ICA1L: variants seen among roughly 807,000 people sequenced by gnomAD.
The protein encoded by ICA1L is islet cell autoantigen 1-like protein.
A neutral mutation model predicts 61.3 loss-of-function variants in ICA1L; 50 were observed. That is an observed-to-expected ratio of 0.82 (90% CI 0.65 to 1.03). ICA1L has a LOEUF of 1.03. Among genes scored for constraint, ICA1L ranks in the 50% least tolerant of loss-of-function variants. ICA1L has a pLI of 0.00. For missense variants in ICA1L, 508 were observed against 556.7 expected (o/e 0.91, Z 0.88); for synonymous variants, 161 against 191.3 (o/e 0.84, Z 1.31).
intron 1 of ICA1L, among the ~76,000 whole-genome samples, chr2:202,864,140 T>A (rs1364578709): frequency 6.6e-6 from 1 of 152,192 alleles, no homozygotes; most frequent in East Asian, 1.9e-4. Context: ...AACTTACTCT[T>A]TCATAGAGTA....
rs1426826837 is a variant in ICA1L at position 202,849,357 on chromosome 2, G to A, written c.-7-20341C>T. 6.6e-6 allele frequency among the ~76,000 whole-genome samples: 1 copy of A among 152,186 alleles called. No homozygotes were observed. Among genetic ancestry groups the A allele is most frequent in the African/African-American group, 2.4e-5 (1 of 41,456 alleles). On this transcript the variant is annotated intron_variant, in intron 1 of 12. Coordinates refer to ENST00000358299, the MANE Select transcript of ICA1L (RefSeq NM_001288622.3). This position sits in a 1 kb window ranked among gnomAD's most constrained non-coding sequence, Gnocchi z 4.5. Reference sequence around the variant, plus strand: ...TCGCTCAGTGGGTCCCACTCCCACAGAGCCCAGCAAGCTAAGAACCACTGG... The same window carrying A: ...TCGCTCAGTGGGTCCCACTCCCACAAAGCCCAGCAAGCTAAGAACCACTGG...
rs538751684 is a variant in ICA1L, at chr2:202,816,399, A to G, written c.685-390T>C. 8.5e-5 allele frequency among the ~76,000 whole-genome samples: 13 copies of G among 152,354 alleles called. No homozygotes were observed. The East Asian group carries it at 2.5e-3, about 29-fold the overall frequency. ...GTGTAATCTTTATGTTGATGGGAAT[A>G]TATAAAACTTTTTAATTGGAGAAAA... On this transcript the variant is annotated intron_variant, in intron 6 of 12. Coordinates refer to ENST00000358299, the MANE Select transcript of ICA1L (RefSeq NM_001288622.3).
At chr2:202,868,311 A>C (rs573836096) in intron 1 of ICA1L, among the ~76,000 whole-genome samples, 1 of 152,352 alleles carries the variant, frequency 6.6e-6, no homozygotes, top group African/African-American at 2.4e-5. Flanking sequence ...CTTAAATGAC[A>C]AAGACTGACA....
At chr2:202,829,912 A>T (rs889927808) in intron 1 of ICA1L, among the ~76,000 whole-genome samples, 4 of 152,188 alleles carry the variant, frequency 2.6e-5, no homozygotes, top group Non-Finnish European at 5.9e-5. Context: ...AATTTCCTAT[A>T]GTTATAATCG....
At chr2:202,799,612 A>C (rs1206095997) in intron 9 of ICA1L, among the ~76,000 whole-genome samples, 1 of 152,116 alleles carries the variant, frequency 6.6e-6, no homozygotes, top group African/African-American at 2.4e-5. Flanking sequence ...GAAGCTTTTT[A>C]GTTTAATTAA....
Position 202,773,986 on chromosome 2 carries a change from C to A in ICA1L, c.*5547G>T. 1 of 928,542 alleles carries A rather than the reference C, an allele frequency of 1.1e-6. No individual in the cohort carries two copies. The highest frequency in any genetic ancestry group is 1.7e-5 in the African/African-American group (1 of 60,270). 57.5% of individuals were successfully genotyped at this position (928,542 alleles called of 1,614,324 possible). Reference sequence around the variant, plus strand: ...ACTGTGTTTTAAAAGGTATATGGTACTAAGAAGAGTTGGCTGTTTTATTTT... The same window carrying A: ...ACTGTGTTTTAAAAGGTATATGGTAATAAGAAGAGTTGGCTGTTTTATTTT... On this transcript the variant is annotated 3_prime_UTR_variant, in exon 13 of 13. Transcript: ENST00000358299.
intron 8 of ICA1L, among the ~76,000 whole-genome samples, chr2:202,812,969 T>G (rs1693421293): frequency 6.6e-6 from 1 of 152,092 alleles, no homozygotes; most frequent in Non-Finnish European, 1.5e-5. Context: ...ATTTTAAATG[T>G]CAATATTGGC....
chr2:202,862,674 T>TA (rs1374423227), intron 1 of ICA1L, among the ~76,000 whole-genome samples: 18 of 151,182 alleles, frequency 1.2e-4, no homozygotes, highest in African/African-American at 4.1e-4. Flanking sequence ...CCGTCTCTAC[T>TA]AAAAATACAA....
chr2:202,850,574 A>T (rs1473353227), intron 1 of ICA1L, among the ~76,000 whole-genome samples: 1 of 152,240 alleles, frequency 6.6e-6, no homozygotes, highest in Non-Finnish European at 1.5e-5. Flanking sequence ...TAAGGCATGA[A>T]GACAAAATTA....
chr2:202,787,679 T>A (rs1005553745), intron 11 of ICA1L, among the ~76,000 whole-genome samples: 1 of 152,242 alleles, frequency 6.6e-6, no homozygotes, highest in African/African-American at 2.4e-5. Flanking sequence ...AGATAGAGCA[T>A]GTACCTCAGT....
At chr2:202,858,652 T>C (rs373652633) in intron 1 of ICA1L, among the ~76,000 whole-genome samples, 15 of 152,170 alleles carry the variant, frequency 9.9e-5, no homozygotes, top group East Asian at 3.8e-4. Flanking sequence ...AAAAGAAACC[T>C]GTTTAAAAAA....
chr2:202,867,822 G>A (rs966434106), intron 1 of ICA1L, among the ~76,000 whole-genome samples: 1 of 152,060 alleles, frequency 6.6e-6, no homozygotes, highest in Non-Finnish European at 1.5e-5. Context: ...TGAGTTTCTT[G>A]GAAACGCACA....
At chr2:202,814,077 G>C (rs936106997) in intron 8 of ICA1L, among the ~76,000 whole-genome samples, 1 of 152,060 alleles carries the variant, frequency 6.6e-6, no homozygotes, top group Non-Finnish European at 1.5e-5. Flanking sequence ...ATTCGTGTAG[G>C]ATCTGGATAT....
At chr2:202,797,294 T>C (rs1187911565) in intron 9 of ICA1L, among the ~76,000 whole-genome samples, 1 of 152,132 alleles carries the variant, frequency 6.6e-6, no homozygotes, top group Non-Finnish European at 1.5e-5. Context: ...TCATTCTAGG[T>C]CATTTTATAC....
intron 12 of ICA1L, among the ~76,000 whole-genome samples, chr2:202,781,926 T>C (rs1053099444): frequency 4.6e-5 from 7 of 152,346 alleles, no homozygotes; most frequent in African/African-American, 1.7e-4. Flanking sequence ...TTAGGGATTT[T>C]CTTTTCTGTT....
rs996844427 is a variant in ICA1L, at chr2:202,797,530, T to C, written c.911-566A>G. Among the ~76,000 whole-genome samples the C allele has an allele frequency of 1.5e-4, 23 of 152,312 alleles. No individual in the cohort carries two copies. In the East Asian group the frequency reaches 2.3e-3, roughly 15 times the overall value. ...TGCTCTCTTAACAATTGGTTGTCGT[T>C]GTTGTTTTTGAGACAGAGTCTTGCT... is the stretch of plus-strand genomic sequence containing the variant. On this transcript the variant is annotated intron_variant, in intron 9 of 12. Transcript: ENST00000358299.
chr2:202,779,800 T>TC, intron 12 of ICA1L, 152 bp from the exon 13 acceptor site: 2 of 149,062 alleles, frequency 1.3e-5, no homozygotes. Context: ...CCCTTTAAGA[T>TC]TTTTTTTTTT....
At chr2:202,832,318 A>G (rs1351433833) in intron 1 of ICA1L, among the ~76,000 whole-genome samples, 1 of 151,628 alleles carries the variant, frequency 6.6e-6, no homozygotes, top group African/African-American at 2.4e-5. Flanking sequence ...ATAAAAACAG[A>G]CTCCAGAGAT....
intron 1 of ICA1L, chr2:202,841,134 C>T: frequency 1.6e-6 from 1 of 641,322 alleles, no homozygotes; most frequent in Non-Finnish European, 2.9e-6. Flanking sequence ...TTCAGTCAGC[C>T]CTTCCAGGCA....
Sources: allele counts gnomAD v4.1 joint callset (sites outside exome capture counted in the v4.1 genomes callset), GRCh38; gene constraint gnomAD v4.1.1; non-coding constraint Gnocchi (gnomAD v3.1); transcripts MANE v1.5; gene names NCBI Gene and HGNC (gene_info 2026-07-23, HGNC 2026-07-21).